Variants in TEX48 observed in about 807,000 individuals in gnomAD.
TEX48 encodes testis-expressed protein 48.
Under a neutral mutation model 13.2 loss-of-function variants are expected in TEX48, and 10 were observed. The ratio of observed to expected loss-of-function variants is 0.75; its 90% CI spans 0.47 to 1.28. The LOEUF is 1.28. TEX48 is among the 50% of genes most tolerant of loss of function. The probability of loss-of-function intolerance (pLI) is 0.00; values close to 1 mark genes in which losing one functional copy is unlikely to be tolerated. For synonymous variants in TEX48, 45 were observed against 52.3 expected, an observed-to-expected ratio of 0.86 and a Z score of 0.60; for missense variants, 116 against 139.4, an observed-to-expected ratio of 0.83 and a Z score of 0.84.
chr9:114,668,438 G>A, intron 3 of TEX48, 101 bp from the exon 4 acceptor site: 6 of 1,061,618 alleles, frequency 5.7e-6, no homozygotes, highest in Non-Finnish European at 8.4e-6. Context: ...ACAGGCAAGT[G>A]GGGGTTATTA....
intron 1 of TEX48, among the ~76,000 whole-genome samples, chr9:114,678,083 A>C (rs1828110362): frequency 6.6e-6 from 1 of 152,206 alleles, no homozygotes. Flanking sequence ...CAGATTTAAG[A>C]GGAGCTCTAG....
chr9:114,673,717 G>T (rs1475847616), intron 1 of TEX48, among the ~76,000 whole-genome samples: 8 of 151,884 alleles, frequency 5.3e-5, no homozygotes, highest in Non-Finnish European at 8.8e-5. Flanking sequence ...AAAATGCTAA[G>T]ATCGAAGGAA....
intron 1 of TEX48, among the ~76,000 whole-genome samples, chr9:114,676,142 G>A (rs1828057360): frequency 6.6e-6 from 1 of 152,106 alleles, no homozygotes; most frequent in African/African-American, 2.4e-5. Context: ...TAGTTCATGA[G>A]CTTTTTCCTT....
At chr9:114,675,025 C>G (rs1006902152) in intron 1 of TEX48, among the ~76,000 whole-genome samples, 1 of 152,066 alleles carries the variant, frequency 6.6e-6, no homozygotes, top group Non-Finnish European at 1.5e-5. Flanking sequence ...AGGTCTGCTT[C>G]TTCCCACTAA....
chr9:114,672,314 C>T (rs995998475), intron 1 of TEX48, among the ~76,000 whole-genome samples: 5 of 152,240 alleles, frequency 3.3e-5, no homozygotes, highest in South Asian at 2.1e-4. Flanking sequence ...TCAGGCTCCT[C>T]GTCAGTAGTA....
intron 3 of TEX48, 58 bp from the exon 4 acceptor site, chr9:114,668,395 TGAA>T: frequency 2.0e-6 from 3 of 1,487,898 alleles, no homozygotes; most frequent in Admixed American, 3.9e-5. Flanking sequence ...ATCACGGAAG[TGAA>T]GATGTTTTGC....
In TEX48 at chr9:114,668,293, G is replaced by A. The variant is rs1339613775; in HGVS notation, c.172C>T (p.Arg58Cys). 8.5e-6 allele frequency: 13 copies of A among 1,535,536 alleles called. 1 individual carries two copies. In the East Asian group the frequency reaches 9.8e-5, roughly 12 times the overall value. Residue 58 changes from arginine (R) to cysteine (C), a missense_variant, in exon 4 of 5, where the codon CGC (arginine) becomes TGC (cysteine). Arg to Cys is a radical substitution (Grantham distance 180). Coordinates refer to ENST00000436752, the MANE Select transcript of TEX48 (RefSeq NM_001199233.2). ...KDELDRQNPKRINAVSHLPSR... is the reference protein window; with the variant it reads ...KDELDRQNPKCINAVSHLPSR... ...GGCAAATGGGAGACTGCGTTAATGC[G>A]CTTGGGATTTTGTCTGTCAAGCTCA...
chr9:114,680,793 T>C (rs10759730), intron 1 of TEX48, among the ~76,000 whole-genome samples: 86,959 of 151,922 alleles, frequency 0.57, 25,130 homozygotes, highest in African/African-American at 0.64. Flanking sequence ...TGTGTGACAC[T>C]CATTTAATCT....
chr9:114,670,790 A>G (rs1215022549), intron 3 of TEX48, among the ~76,000 whole-genome samples: 1 of 152,160 alleles, frequency 6.6e-6, no homozygotes, highest in Non-Finnish European at 1.5e-5. Context: ...AACATACTCT[A>G]TCCTGATCAA....
chr9:114,676,310 C>T (rs540662969), intron 1 of TEX48, among the ~76,000 whole-genome samples: 18 of 152,072 alleles, frequency 1.2e-4, no homozygotes, highest in African/African-American at 3.6e-4. Context: ...ACTACAGGCT[C>T]GCACTACCAT....
intron 3 of TEX48, among the ~76,000 whole-genome samples, chr9:114,670,810 ATT>A (rs1294850612): frequency 6.6e-6 from 1 of 152,030 alleles, no homozygotes; most frequent in Admixed American, 6.6e-5. Context: ...ATACCTATAT[ATT>A]TTTTCTGCAT....
In TEX48 at chr9:114,670,137, A is replaced by T. The variant is rs189741127; in HGVS notation, c.127+1246T>A. Among the ~76,000 whole-genome samples, 129 of 152,304 alleles carry T rather than the reference A, an allele frequency of 8.5e-4. 2 individuals carry two copies. The highest frequency in any genetic ancestry group is 8.4e-3 in the Admixed American group (129 of 15,290). Reference sequence around the variant, plus strand: ...CTTCTTAGAGTTATCATGGGGATTAAATAATATCATTTTACTGTTAAATAT... The same window carrying T: ...CTTCTTAGAGTTATCATGGGGATTATATAATATCATTTTACTGTTAAATAT... On this transcript the variant is annotated intron_variant, in intron 3 of 4. Transcript: ENST00000436752.
chr9:114,681,170 T>C (rs1828192607), intron 1 of TEX48, among the ~76,000 whole-genome samples: 1 of 152,222 alleles, frequency 6.6e-6, no homozygotes, highest in Non-Finnish European at 1.5e-5. Context: ...TTGATTTTTT[T>C]CAATTAAAAA....
chr9:114,670,681 AG>A (rs1322865020), intron 3 of TEX48, among the ~76,000 whole-genome samples: 2 of 152,112 alleles, frequency 1.3e-5, no homozygotes, highest in African/African-American at 4.8e-5. Flanking sequence ...AAAGATTTAA[AG>A]GGGGGTGGCT....
intron 3 of TEX48, 83 bp from the exon 4 acceptor site, chr9:114,668,420 C>T: frequency 2.3e-6 from 3 of 1,280,310 alleles, no homozygotes; most frequent in Non-Finnish European, 3.3e-6. Flanking sequence ...AGCTCTGAAG[C>T]AGCGCACACA....
intron 3 of TEX48, among the ~76,000 whole-genome samples, chr9:114,670,439 C>A (rs1306106445): frequency 6.6e-6 from 1 of 152,116 alleles, no homozygotes; most frequent in East Asian, 1.9e-4. Context: ...TCTGTGCTCA[C>A]CCCCTCCCAC....
intron 4 of TEX48, among the ~76,000 whole-genome samples, chr9:114,667,060 G>A (rs1827854727): frequency 6.6e-6 from 1 of 152,216 alleles, no homozygotes; most frequent in Admixed American, 6.5e-5. Flanking sequence ...GCACTCGTGG[G>A]AAGTCCCTTT....
intron 1 of TEX48, among the ~76,000 whole-genome samples, chr9:114,676,726 C>T (rs936879811): frequency 6.6e-6 from 1 of 151,770 alleles, no homozygotes; most frequent in African/African-American, 2.4e-5. Flanking sequence ...ACGCCATTCT[C>T]CTGCCTCAGC....
At chr9:114,669,092 C>T (rs923167810) in intron 3 of TEX48, among the ~76,000 whole-genome samples, 9 of 152,146 alleles carry the variant, frequency 5.9e-5, no homozygotes, top group African/African-American at 1.9e-4. Context: ...CCTTTAGCCT[C>T]AGCCTCCCGA....
Sources: allele counts gnomAD v4.1 joint callset (sites outside exome capture counted in the v4.1 genomes callset), GRCh38; gene constraint gnomAD v4.1.1; transcripts MANE v1.5; gene names NCBI Gene and HGNC (gene_info 2026-07-23, HGNC 2026-07-21).